Variants in LRP4 observed in about 807,000 individuals in gnomAD.
The protein encoded by LRP4 is low-density lipoprotein receptor-related protein 4.
A neutral mutation model predicts 220.3 loss-of-function variants in LRP4; 95 were observed. The ratio of observed to expected loss-of-function variants is 0.43; its 90% CI spans 0.37 to 0.51. The LOEUF is 0.51. Ranked by LOEUF, LRP4 falls within the 20% of genes least tolerant of loss-of-function variation. The pLI, the probability that LRP4 is intolerant of heterozygous loss-of-function variation, is 0.00. For missense variants in LRP4, 1,925 were observed against 2,567.0 expected (o/e 0.75, Z 5.40); for synonymous variants, 903 against 954.6 (o/e 0.95, Z 1.00).
At chr11:46,889,175 C>G (rs1413495497) in intron 16 of LRP4, among the ~76,000 whole-genome samples, 1 of 152,224 alleles carries the variant, frequency 6.6e-6, no homozygotes, top group Non-Finnish European at 1.5e-5. Flanking sequence ...ATGAGCCTCA[C>G]TGCAGGTGTT....
intron 13 of LRP4, among the ~76,000 whole-genome samples, chr11:46,892,497 C>T (rs1457976550): frequency 6.6e-6 from 1 of 151,134 alleles, no homozygotes; most frequent in Non-Finnish European, 1.5e-5. Flanking sequence ...CAAGGCCACA[C>T]AGCCAGTTAT....
chr11:46,893,722 C>T lies in LRP4; in HGVS notation c.1541-593G>A, dbSNP rs552062879. On this transcript the variant is annotated intron_variant, in intron 12 of 37. Transcript: ENST00000378623. ...TCAAGAGTTTCTCCTTCCTCAGCCT[C>T]CCAAGTAGCTGGGATTACAGGCATT... Among the ~76,000 whole-genome samples the T allele has an allele frequency of 5.9e-5, 9 of 152,214 alleles. No individual in the cohort carries two copies. In the South Asian group the frequency reaches 1.7e-3, roughly 28 times the overall value.
chr11:46,873,668 T>A lies in LRP4; in HGVS notation c.4230-75A>T. The A allele has an allele frequency of 8.1e-7, 1 of 1,234,074 alleles. No homozygotes were observed. The highest frequency in any genetic ancestry group is 1.2e-6 in the Non-Finnish European group (1 of 860,216). 76.4% of individuals were successfully genotyped at this position (1,234,074 alleles called of 1,614,324 possible). A position where few individuals can be genotyped will look rare whatever the true frequency, so the allele number is the denominator to read the frequency against. ...AGTAGAACTTTAACCCATGTTCCCA[T>A]AACTGGACCCCACTGAACTGTAAGC... On this transcript the variant is annotated intron_variant, in intron 28 of 37. Coordinates refer to ENST00000378623, the MANE Select transcript of LRP4 (RefSeq NM_002334.4). This position sits in a 1 kb window ranked among gnomAD's most constrained non-coding sequence, Gnocchi z 4.2.
chr11:46,869,612 A>G (rs1167449169), intron 31 of LRP4, among the ~76,000 whole-genome samples: 3 of 152,188 alleles, frequency 2.0e-5, no homozygotes, highest in Admixed American at 2.0e-4. Flanking sequence ...TTCTGTAGGC[A>G]GCTTTCTTCT....
chr11:46,902,990 G>T, intron 1 of LRP4, 61 bp from the exon 2 acceptor site: 1 of 1,607,580 alleles, frequency 6.2e-7, no homozygotes, highest in Non-Finnish European at 8.5e-7. Context: ...AGCCCATTCC[G>T]AGGGGAAAGT....
At chr11:46,885,417 A>G (rs1394823944) in intron 18 of LRP4, among the ~76,000 whole-genome samples, 1 of 152,160 alleles carries the variant, frequency 6.6e-6, no homozygotes, top group African/African-American at 2.4e-5. Context: ...TCCAGCAACC[A>G]CGCTCTGAGT....
chr11:46,873,469 T>C lies in LRP4; in HGVS notation c.4354A>G (p.Ile1452Val). The change falls in exon 29 of 38, where the codon ATT becomes GTT. Residue 1452 changes from isoleucine to valine, a missense_variant. Ile to Val is a conservative substitution (Grantham distance 29, BLOSUM62 3). Around this residue, in one of 3 missense-constraint regions of LRP4, gnomAD observed 1,244 missense variants for 1,624.9 expected, o/e 0.77. Transcript: ENST00000378623. The surrounding 1 kb of genome is among the most constrained non-coding windows in gnomAD (Gnocchi z 4.2). Reference sequence around the variant, plus strand: ...GAACCATCCAGCCTGGACGCCTCAATGGTATTTCGACCTGTGTCTGTCCAG... The same window carrying C: ...GAACCATCCAGCCTGGACGCCTCAACGGTATTTCGACCTGTGTCTGTCCAG... The part of the protein sequence containing the change: ...LYWTDTGRNT[I>V]EASRLDGSCR... The C allele has an allele frequency of 6.2e-7, 1 of 1,614,182 alleles. No individual in the cohort carries two copies. The highest frequency in any genetic ancestry group is 1.1e-5 in the South Asian group (1 of 91,080).
chr11:46,887,380 G>A (rs1307684838), intron 16 of LRP4, among the ~76,000 whole-genome samples: 1 of 152,168 alleles, frequency 6.6e-6, no homozygotes, highest in African/African-American at 2.4e-5. Flanking sequence ...TAAGACAACA[G>A]GGGAAGCGCT....
chr11:46,877,484 T>C, intron 22 of LRP4, 145 bp from the exon 23 acceptor site: 1 of 934,556 alleles, frequency 1.1e-6, no homozygotes, highest in Non-Finnish European at 1.7e-6. Flanking sequence ...TTATTATTTT[T>C]TGAGACAGGG....
At chr11:46,876,911 C>T in intron 23 of LRP4, 81 bp from the exon 24 acceptor site, 2 of 1,146,804 alleles carry the variant, frequency 1.7e-6, no homozygotes, top group Non-Finnish European at 1.3e-6. Flanking sequence ...TCTTGAAACA[C>T]CAGAGCATGT....
At position 46,858,673 on chromosome 11, in the gene LRP4, G is replaced by C. The variant is rs1940443764; in HGVS notation, c.*310C>G. 7.3e-6 allele frequency: 3 copies of C among 411,472 alleles called. No individual in the cohort carries two copies. In the East Asian group the frequency reaches 1.7e-4, roughly 23 times the overall value. The allele number at this position is 411,472 out of a possible 1,614,324, so 25.5% of individuals were successfully genotyped here. A position where few individuals can be genotyped will look rare whatever the true frequency, so the allele number is the denominator to read the frequency against. The stretch of plus-strand genomic sequence containing the variant: ...GCAGGCACTGAGGGTACTGGGGAAA[G>C]GGGAGGTGGAGCTCTACGCTGGTGA... On this transcript the variant is annotated 3_prime_UTR_variant, in exon 38 of 38. Coordinates refer to ENST00000378623, the MANE Select transcript of LRP4 (RefSeq NM_002334.4).
In LRP4 at chr11:46,918,431, G is replaced by A. The variant is rs1420421874; in HGVS notation, c.-52C>T. On this transcript the variant is annotated 5_prime_UTR_variant, in exon 1 of 38. Coordinates refer to ENST00000378623, the MANE Select transcript of LRP4 (RefSeq NM_002334.4). This position sits in a 1 kb window ranked among gnomAD's most constrained non-coding sequence, Gnocchi z 6.0. ...GTCCCGCCGGCTCCCGCCGGACGGC[G>A]CGGCGGAGAAGCCCGCGGAGGGTCC... 4.4e-5 allele frequency: 57 copies of A among 1,297,526 alleles called. No individual in the cohort carries two copies. Among genetic ancestry groups the A allele is most frequent in the South Asian group, 8.6e-5 (4 of 46,556 alleles). The allele number at this position is 1,297,526 out of a possible 1,614,324, so 80.4% of individuals were successfully genotyped here. A position where few individuals can be genotyped will look rare whatever the true frequency, so the allele number is the denominator to read the frequency against.
chr11:46,858,903 G>A lies in LRP4; in HGVS notation c.*80C>T. ...AGGAGGACAAGCACACAGAAGCGGG[G>A]CCTGCGGTGTAAGCGAGCACAAGGA... On this transcript the variant is annotated 3_prime_UTR_variant, in exon 38 of 38. Coordinates refer to ENST00000378623, the MANE Select transcript of LRP4 (RefSeq NM_002334.4). 1 of 1,336,790 alleles carries A rather than the reference G, an allele frequency of 7.5e-7. No individual in the cohort carries two copies. Among genetic ancestry groups the A allele is most frequent in the East Asian group, 2.3e-5 (1 of 43,580 alleles). 82.8% of individuals were successfully genotyped at this position (1,336,790 alleles called of 1,614,324 possible). A position where few individuals can be genotyped will look rare whatever the true frequency, so the allele number is the denominator to read the frequency against.
intron 7 of LRP4, among the ~76,000 whole-genome samples, chr11:46,897,853 A>G (rs1313772366): frequency 1.3e-5 from 2 of 152,120 alleles, no homozygotes; most frequent in Non-Finnish European, 2.9e-5. Context: ...CAAAACCGCC[A>G]TTGTCATCAT....
Position 46,862,482 on chromosome 11 carries a change from T to C in LRP4, c.5385+124A>G, listed in dbSNP as rs1463238860. The C allele has an allele frequency of 1.9e-5, 19 of 1,012,114 alleles. No homozygotes were observed. In the South Asian group the frequency reaches 1.9e-4, roughly 10 times the overall value. The allele number at this position is 1,012,114 out of a possible 1,614,324, so 62.7% of individuals were successfully genotyped here. A position where few individuals can be genotyped will look rare whatever the true frequency, so the allele number is the denominator to read the frequency against. On this transcript the variant is annotated intron_variant, in intron 37 of 37. Coordinates refer to ENST00000378623, the MANE Select transcript of LRP4 (RefSeq NM_002334.4). ...AATTACATTCAGTTCTTCTGTTCACTATAACTTCCAAAATGGTAGATGGGA... is the reference window on the plus strand; with the variant it reads ...AATTACATTCAGTTCTTCTGTTCACCATAACTTCCAAAATGGTAGATGGGA...
At chr11:46,914,933 G>A (rs190029116) in intron 1 of LRP4, among the ~76,000 whole-genome samples, 1 of 152,194 alleles carries the variant, frequency 6.6e-6, no homozygotes, top group Non-Finnish European at 1.5e-5. Flanking sequence ...TAGAAAGAGT[G>A]AGCAAAGAGC....
rs950636757 is a variant in LRP4, at chr11:46,875,727, A to C, written c.3700-46T>G. The C allele has an allele frequency of 1.9e-6, 3 of 1,612,278 alleles. No homozygotes were observed. The highest frequency in any genetic ancestry group is 2.5e-6 in the Non-Finnish European group (3 of 1,178,572). ...GGGGGGTGGTGATCAGCAGATTGGG[A>C]ACTCTCCATGGAGATCCTAGGCAGG... On this transcript the variant is annotated intron_variant, in intron 26 of 37. Transcript: ENST00000378623. The surrounding 1 kb of genome is among the most constrained non-coding windows in gnomAD (Gnocchi z 4.5).
At chr11:46,907,805 C>T (rs765645641) in intron 1 of LRP4, among the ~76,000 whole-genome samples, 1 of 152,216 alleles carries the variant, frequency 6.6e-6, no homozygotes, top group Non-Finnish European at 1.5e-5. Context: ...GTTAATCCCT[C>T]CAGGCCTCAG....
At chr11:46,891,769 A>G (rs966693947) in intron 13 of LRP4, among the ~76,000 whole-genome samples, 7 of 150,832 alleles carry the variant, frequency 4.6e-5, no homozygotes, top group East Asian at 2.0e-4. Context: ...GCATGCATCA[A>G]TAAGTCCAGC....
Sources: allele counts gnomAD v4.1 joint callset (sites outside exome capture counted in the v4.1 genomes callset), GRCh38; gene constraint gnomAD v4.1.1; regional missense constraint gnomAD v4.1.1; non-coding constraint Gnocchi (gnomAD v3.1); transcripts MANE v1.5; gene names NCBI Gene and HGNC (gene_info 2026-07-23, HGNC 2026-07-21).